SEC14L5: variants seen among roughly 807,000 people sequenced by gnomAD.
The protein encoded by SEC14L5 is SEC14-like protein 5.
SEC14L5 carries 96 observed loss-of-function variants against 84.6 expected under a neutral mutation model. The observed-to-expected ratio is 1.13, with a 90% CI of 0.96 to 1.34. SEC14L5 has a LOEUF of 1.34. Among genes scored for constraint, SEC14L5 ranks in the 40% most tolerant of loss-of-function variants. SEC14L5 has a pLI of 0.00. For missense variants in SEC14L5, 1,224 were observed against 942.5 expected, an observed-to-expected ratio of 1.30 and a Z score of -3.91; for synonymous variants, 546 against 383.4, an observed-to-expected ratio of 1.42 and a Z score of -4.95.
chr16:4,958,873 A>G (rs1179826293), intron 1 of SEC14L5, among the ~76,000 whole-genome samples: 1 of 152,130 alleles, frequency 6.6e-6, no homozygotes, highest in Non-Finnish European at 1.5e-5. Context: ...GGGCAGGTGC[A>G]AGGAGACTCG....
rs992185937 is a variant in SEC14L5, at chr16:4,978,748, G to A, written c.64-8809G>A. Among the ~76,000 whole-genome samples, 12 of 151,464 alleles carry A rather than the reference G, an allele frequency of 7.9e-5. 1 individual carries two copies. Among genetic ancestry groups the A allele is most frequent in the Non-Finnish European group, 1.5e-5 (1 of 67,962 alleles). ...CTCCCGAGTAGCTGGAACTACAGGC[G>A]CCTGCCACCACGCTCGGCTAATCTT... On this transcript the variant is annotated intron_variant, in intron 2 of 15. Transcript: ENST00000251170.
At chr16:4,986,270 G>C (rs1432986760) in intron 2 of SEC14L5, among the ~76,000 whole-genome samples, 1 of 151,962 alleles carries the variant, frequency 6.6e-6, no homozygotes. Flanking sequence ...TTCCCAAGTA[G>C]CTGGGATTAC....
At chr16:5,013,942 C>T (rs879450349) in intron 15 of SEC14L5, among the ~76,000 whole-genome samples, 8 of 152,194 alleles carry the variant, frequency 5.3e-5, no homozygotes, top group Non-Finnish European at 1.2e-4. Context: ...ATCCCCCTGC[C>T]TCAGCCTTTC....
chr16:4,960,238 C>A (rs191888297), intron 2 of SEC14L5, among the ~76,000 whole-genome samples: 1 of 152,196 alleles, frequency 6.6e-6, no homozygotes, highest in African/African-American at 2.4e-5. Context: ...TACAAGGTTG[C>A]GGGGAGGAGT....
intron 2 of SEC14L5, among the ~76,000 whole-genome samples, chr16:4,983,703 C>T (rs1293665058): frequency 6.6e-6 from 1 of 151,690 alleles, no homozygotes; most frequent in Non-Finnish European, 1.5e-5. Context: ...ATGGTGAAAC[C>T]CCGTCTCTAC....
At chr16:4,977,780 C>T (rs1430842437) in intron 2 of SEC14L5, among the ~76,000 whole-genome samples, 2 of 151,630 alleles carry the variant, frequency 1.3e-5, no homozygotes, top group East Asian at 1.9e-4. Flanking sequence ...TTTTATTCAG[C>T]CAGTGTTTTT....
intron 2 of SEC14L5, among the ~76,000 whole-genome samples, chr16:4,969,309 G>A (rs192393539): frequency 7.2e-5 from 11 of 152,182 alleles, no homozygotes; most frequent in Admixed American, 1.3e-4. Flanking sequence ...GCTGTGTGCC[G>A]AAGGCTGTGC....
intron 2 of SEC14L5, among the ~76,000 whole-genome samples, chr16:4,964,032 A>G (rs1229615975): frequency 3.3e-5 from 5 of 152,194 alleles, no homozygotes; most frequent in African/African-American, 4.8e-5. Context: ...GTTCAAAACA[A>G]TGAGCTTTTA....
chr16:4,998,089 G>A (rs1020159529), intron 8 of SEC14L5, among the ~76,000 whole-genome samples: 3 of 141,072 alleles, frequency 2.1e-5, no homozygotes, highest in Non-Finnish European at 4.5e-5. Flanking sequence ...CTGCAACTCC[G>A]CCCCCCGCCA....
intron 2 of SEC14L5, among the ~76,000 whole-genome samples, chr16:4,978,975 A>G (rs1338833283): frequency 2.0e-5 from 3 of 152,056 alleles, no homozygotes; most frequent in African/African-American, 7.3e-5. Context: ...GGCTCAAACA[A>G]TCCTCCTGCC....
intron 11 of SEC14L5, among the ~76,000 whole-genome samples, chr16:5,004,867 ACT>A (rs1955713961): frequency 6.6e-6 from 1 of 152,238 alleles, no homozygotes; most frequent in African/African-American, 2.4e-5. Flanking sequence ...ACTGTGGAAT[ACT>A]GTTCCATCCA....
Position 4,959,255 on chromosome 16 carries a change from A to T in SEC14L5, c.-51-18A>T. 7.9e-7 allele frequency: 1 copy of T among 1,258,856 alleles called. No individual in the cohort carries two copies. Among genetic ancestry groups the T allele is most frequent in the Non-Finnish European group, 1.2e-6 (1 of 857,180 alleles). 78.0% of individuals were successfully genotyped at this position (1,258,856 alleles called of 1,614,324 possible). On this transcript the variant is annotated intron_variant, in intron 1 of 15. Coordinates refer to ENST00000251170, the MANE Select transcript of SEC14L5 (RefSeq NM_014692.2). ...CCGAGGTGGGAGCTGCAACCTCACC[A>T]GTCACTCCTCGCCCCAGGCTCTGTG... is the stretch of plus-strand genomic sequence containing the variant.
rs181555193 is a variant in SEC14L5 at position 4,964,048 on chromosome 16, T to C, written c.63+4662T>C. Among the ~76,000 whole-genome samples, 22 of 152,274 alleles carry C rather than the reference T, an allele frequency of 1.4e-4. No individual in the cohort carries two copies. The East Asian group carries it at 3.7e-3, about 25-fold the overall frequency. Reference sequence around the variant, plus strand: ...TTCAAAACAATGAGCTTTTATTATCTTGGTAAACAGAGAAAAACAATTAAG... The same window carrying C: ...TTCAAAACAATGAGCTTTTATTATCCTGGTAAACAGAGAAAAACAATTAAG... On this transcript the variant is annotated intron_variant, in intron 2 of 15. Transcript: ENST00000251170.
Position 5,011,309 on chromosome 16 carries a change from GGACCCTGGGGCTGATT to G in SEC14L5, c.1979+40_1979+55del, listed in dbSNP as rs1955800500. Reference sequence around the variant, plus strand: ...TCCGGAGCGGGGTCCTGGGCAGGAAGGACCCTGGGGCTGATTGACAATGCAGATGCCTGGCCTCCTG... The same window carrying G: ...TCCGGAGCGGGGTCCTGGGCAGGAAGGACAATGCAGATGCCTGGCCTCCTG... On this transcript the variant is annotated intron_variant, in intron 15 of 15. Coordinates refer to ENST00000251170, the MANE Select transcript of SEC14L5 (RefSeq NM_014692.2). The G allele has an allele frequency of 1.9e-6, 3 of 1,597,014 alleles. No homozygotes were observed. The African/African-American group carries it at 4.0e-5, about 21-fold the overall frequency.
rs755568912 is a variant in SEC14L5 at position 5,000,899 on chromosome 16, C to A, written c.1104C>A (p.Ser368Arg). The A allele has an allele frequency of 1.9e-6, 3 of 1,608,322 alleles. No homozygotes were observed. The East Asian group carries it at 6.7e-5, about 36-fold the overall frequency. Residue 368 changes from serine to arginine, a missense_variant, in exon 10 of 16, where the codon AGC becomes AGA. Physicochemically the swap from Ser to Arg is moderately radical, Grantham distance 110 (BLOSUM62 -1). Transcript: ENST00000251170. ...AAGGACAGAAGCGGTGTGAGGGGAG[C>A]ACAAGGCAGCTGGGCCGTCCCATCA... The part of the protein sequence containing the change: ...NEEGQKRCEG[S>R]TRQLGRPISS...
At chr16:5,011,941 C>T (rs187194340) in intron 15 of SEC14L5, among the ~76,000 whole-genome samples, 1 of 152,330 alleles carries the variant, frequency 6.6e-6, no homozygotes, top group African/African-American at 2.4e-5. Flanking sequence ...TCTGTAAAAG[C>T]ACTTATGATT....
rs1955761611 is a variant in SEC14L5, at chr16:5,008,572, A to T, written c.1724A>T (p.Asp575Val). 1 of 1,607,884 alleles carries T rather than the reference A, an allele frequency of 6.2e-7. No individual in the cohort carries two copies. ...PGTRASGQLI[D>V]KGWVLGRDYS... Reference sequence around the variant, plus strand: ...ACCAGGGCCAGCGGGCAGCTGATCGACAAAGGCTGGGTCCTGGGCAGGGAT... The same window carrying T: ...ACCAGGGCCAGCGGGCAGCTGATCGTCAAAGGCTGGGTCCTGGGCAGGGAT... The change falls in exon 14 of 16, where the codon GAC (aspartate) becomes GTC (valine). Residue 575 changes from aspartate (D) to valine (V), a missense_variant. Asp to Val is a radical substitution (Grantham distance 152). Coordinates refer to ENST00000251170, the MANE Select transcript of SEC14L5 (RefSeq NM_014692.2).
intron 8 of SEC14L5, among the ~76,000 whole-genome samples, chr16:5,000,224 G>C (rs1410743958): frequency 6.6e-6 from 1 of 151,960 alleles, no homozygotes; most frequent in Non-Finnish European, 1.5e-5. Flanking sequence ...CTGGGAGGCC[G>C]AGGTTACAGT....
chr16:4,985,639 G>T (rs1355742475), intron 2 of SEC14L5, among the ~76,000 whole-genome samples: 1 of 152,136 alleles, frequency 6.6e-6, no homozygotes, highest in Non-Finnish European at 1.5e-5. Flanking sequence ...ATCAGTTGGT[G>T]ATAAACGTAA....
Sources: allele counts gnomAD v4.1 joint callset (sites outside exome capture counted in the v4.1 genomes callset), GRCh38; gene constraint gnomAD v4.1.1; transcripts MANE v1.5; gene names NCBI Gene and HGNC (gene_info 2026-07-23, HGNC 2026-07-21).